The following MERTK variants were observed in gnomAD, a reference collection of about 807,000 sequenced individuals.
The protein encoded by MERTK is tyrosine-protein kinase Mer.
A neutral mutation model predicts 99.3 loss-of-function variants in MERTK; 69 were observed. That is an observed-to-expected ratio of 0.70 (90% CI 0.57 to 0.85). The LOEUF (loss-of-function observed/expected upper bound fraction) is 0.85, where lower values mean the gene tolerates loss of function less well. MERTK is among the 40% of genes least tolerant of loss of function. MERTK has a pLI of 0.00. For missense variants in MERTK, 1,125 were observed against 1,249.4 expected, an observed-to-expected ratio of 0.90 and a Z score of 1.50; for synonymous variants, 426 against 467.6, an observed-to-expected ratio of 0.91 and a Z score of 1.15.
intron 1 of MERTK, among the ~76,000 whole-genome samples, chr2:111,917,554 C>G (rs1337846657): frequency 6.6e-6 from 1 of 152,208 alleles, no homozygotes; most frequent in African/African-American, 2.4e-5. Flanking sequence ...GCCTGCTTCT[C>G]TCTACCTTTC....
At chr2:111,964,043 C>CTTTCTTTTTTTTTTT (rs1553451947) in intron 4 of MERTK, among the ~76,000 whole-genome samples, 3 of 103,870 alleles carry the variant, frequency 2.9e-5, no homozygotes, top group Non-Finnish European at 3.9e-5. Flanking sequence ...AATTTTCTTT[C>CTTTCTTTTTTTTTTT]TTTTTTTTTT....
chr2:111,911,265 CTGTT>C (rs1405860745), intron 1 of MERTK, among the ~76,000 whole-genome samples: 1 of 152,178 alleles, frequency 6.6e-6, no homozygotes, highest in African/African-American at 2.4e-5. Context: ...TGCTTTTTCA[CTGTT>C]TGTGAAGTTT....
At chr2:111,981,505 C>T (rs1040938384) in intron 7 of MERTK, among the ~76,000 whole-genome samples, 1 of 152,080 alleles carries the variant, frequency 6.6e-6, no homozygotes, top group Non-Finnish European at 1.5e-5. Context: ...ACCTCCATCT[C>T]CCAGATTATA....
In MERTK at chr2:111,965,215, G is replaced by A. The variant is rs142284609; in HGVS notation, c.782G>A (p.Ser261Asn). The change falls in exon 5 of 19, where the codon AGT becomes AAT. Residue 261 changes from serine to asparagine, a missense_variant. Ser to Asn is a conservative substitution (Grantham distance 46). Coordinates refer to ENST00000295408, the MANE Select transcript of MERTK (RefSeq NM_006343.3). ...VPGLTEMAVF[S>N]CEAHNDKGLT... ...GGCCTGACGGAGATGGCGGTCTTCAGTTGTGAGGCCCACAATGACAAAGGG... is the reference window on the plus strand; with the variant it reads ...GGCCTGACGGAGATGGCGGTCTTCAATTGTGAGGCCCACAATGACAAAGGG... 7.5e-4 allele frequency: 1,203 copies of A among 1,614,236 alleles called. 13 individuals carry two copies. In the African/African-American group the frequency reaches 0.015, roughly 20 times the overall value.
intron 14 of MERTK, chr2:112,008,835 G>T (rs143236860): frequency 1.2e-5 from 4 of 325,480 alleles, no homozygotes; most frequent in East Asian, 7.3e-5. Context: ...GTGGGATAAA[G>T]GTGAAAAAGT....
At chr2:111,941,934 C>T (rs757595579) in intron 2 of MERTK, among the ~76,000 whole-genome samples, 2 of 152,190 alleles carry the variant, frequency 1.3e-5, no homozygotes, top group Non-Finnish European at 2.9e-5. Context: ...CTTACGCAGT[C>T]TGATTTCTAC....
At position 112,029,147 on chromosome 2, in the gene MERTK, G is replaced by C. The variant is rs1418213707; in HGVS notation, c.*283G>C. 1.8e-6 allele frequency: 2 copies of C among 1,090,532 alleles called. No individual in the cohort carries two copies. 67.6% of individuals were successfully genotyped at this position (1,090,532 alleles called of 1,614,324 possible). A position where few individuals can be genotyped will look rare whatever the true frequency, so the allele number is the denominator to read the frequency against. Reference sequence around the variant, plus strand: ...TTGCATATCTTAAAATTAAGCTTCAGCTGCTCCTTGATATTAACATTTGTA... The same window carrying C: ...TTGCATATCTTAAAATTAAGCTTCACCTGCTCCTTGATATTAACATTTGTA... On this transcript the variant is annotated 3_prime_UTR_variant, in exon 19 of 19. Transcript: ENST00000295408.
At chr2:112,022,899 T>C (rs777274369) in intron 18 of MERTK, among the ~76,000 whole-genome samples, 36 of 152,058 alleles carry the variant, frequency 2.4e-4, no homozygotes, top group Admixed American at 3.3e-4. Context: ...GCTTGGGAGA[T>C]AGTGTAACAA....
chr2:111,919,302 A>G (rs1412685866), intron 1 of MERTK, among the ~76,000 whole-genome samples: 1 of 152,018 alleles, frequency 6.6e-6, no homozygotes, highest in African/African-American at 2.4e-5. Context: ...CACTGAATCT[A>G]TTCCCTAAAG....
At chr2:112,014,084 T>G (rs945571060) in intron 15 of MERTK, among the ~76,000 whole-genome samples, 2 of 149,666 alleles carry the variant, frequency 1.3e-5, no homozygotes, top group Non-Finnish European at 3.0e-5. Flanking sequence ...TGCAGTGGCG[T>G]GATCTCAGCT....
intron 4 of MERTK, among the ~76,000 whole-genome samples, chr2:111,963,650 C>A (rs528834557): frequency 1.3e-5 from 2 of 152,288 alleles, no homozygotes; most frequent in South Asian, 4.1e-4. Flanking sequence ...GTTGACACAG[C>A]ACATGTTTCA....
chr2:111,994,785 GAAAAAA>G (rs11287004), intron 9 of MERTK: 1 of 177,518 alleles, frequency 5.6e-6, no homozygotes, highest in African/African-American at 3.4e-5. Flanking sequence ...CTCAAAAAAA[GAAAAAA>G]AAAAAAAAGA....
chr2:111,976,038 T>C (rs533050258), intron 7 of MERTK, among the ~76,000 whole-genome samples: 1 of 152,294 alleles, frequency 6.6e-6, no homozygotes, highest in South Asian at 2.1e-4. Context: ...CTCAGCTTTG[T>C]GTCCAATTAA....
At chr2:111,940,974 A>G (rs1684855781) in intron 2 of MERTK, 2 of 625,634 alleles carry the variant, frequency 3.2e-6, no homozygotes, top group Admixed American at 2.1e-5. Flanking sequence ...ATTCTGTTTC[A>G]TCTTTGCAGT....
chr2:111,903,192 C>T (rs1481053076), intron 1 of MERTK, among the ~76,000 whole-genome samples: 1 of 152,218 alleles, frequency 6.6e-6, no homozygotes. Flanking sequence ...CATACGGGTG[C>T]TCAGTGAGTA....
chr2:112,011,900 G>A (rs1208906379), intron 15 of MERTK, among the ~76,000 whole-genome samples: 1 of 152,238 alleles, frequency 6.6e-6, no homozygotes, highest in Non-Finnish European at 1.5e-5. Context: ...CTGGTGGTGA[G>A]TGAGAGGAGA....
At chr2:111,978,594 AG>A (rs1676304130) in intron 7 of MERTK, among the ~76,000 whole-genome samples, 1 of 152,184 alleles carries the variant, frequency 6.6e-6, no homozygotes, top group South Asian at 2.1e-4. Flanking sequence ...AGGGGATTAT[AG>A]GCATGAGCCA....
chr2:112,022,878 T>C (rs1374498303), intron 18 of MERTK, among the ~76,000 whole-genome samples: 2 of 152,166 alleles, frequency 1.3e-5, no homozygotes, highest in African/African-American at 2.4e-5. Context: ...GTCAGGCTGC[T>C]CATCAGAATC....
At chr2:111,952,759 C>T (rs1017504574) in intron 4 of MERTK, 4 of 152,156 alleles carry the variant, frequency 2.6e-5, no homozygotes, top group African/African-American at 9.7e-5. Flanking sequence ...GGAGGGATAT[C>T]TAAATGGGAG....
Sources: gnomAD v4.1 joint callset for allele counts (sites outside exome capture counted in the v4.1 genomes callset) on GRCh38, gnomAD v4.1.1 for gene constraint, MANE v1.5 for transcripts, NCBI Gene and HGNC (gene_info 2026-07-23, HGNC 2026-07-21) for gene names.